Variants in ADAMTS18 observed in about 807,000 individuals in gnomAD.
ADAMTS18 encodes the protein ADAM metallopeptidase with thrombospondin type 1 motif 18, also known as A disintegrin and metalloproteinase with thrombospondin motifs 18.
ADAMTS18 carries 157 observed loss-of-function variants against 165.9 expected under a neutral mutation model. That is an observed-to-expected ratio of 0.95 (90% CI 0.83 to 1.08). The LOEUF is 1.08. Ranked by LOEUF, ADAMTS18 falls within the 50% of genes least tolerant of loss-of-function variation. ADAMTS18 has a pLI of 0.00. For missense variants in ADAMTS18, 2,040 were observed against 1,534.0 expected (o/e 1.33, Z -5.51); for synonymous variants, 782 against 578.2 (o/e 1.35, Z -5.06).
intron 3 of ADAMTS18, among the ~76,000 whole-genome samples, chr16:77,387,245 A>G (rs548328984): frequency 6.6e-6 from 1 of 152,306 alleles, no homozygotes; most frequent in South Asian, 2.1e-4. Flanking sequence ...TGTTACAAGT[A>G]CAGTGTGGCA....
In ADAMTS18 at chr16:77,284,126, T is replaced by TTC. The variant is rs1009793547; in HGVS notation, c.3551-56_3551-55insGA. The TTC allele has an allele frequency of 1.0e-5, 10 of 960,686 alleles. No homozygotes were observed. The African/African-American group carries it at 2.3e-4, about 22-fold the overall frequency. 59.5% of individuals were successfully genotyped at this position (960,686 alleles called of 1,614,324 possible). On this transcript the variant is annotated intron_variant, in intron 22 of 22. Coordinates refer to ENST00000282849, the MANE Select transcript of ADAMTS18 (RefSeq NM_199355.4). ...GGCTAGGGTGTCTATCCTTTTTCTT[T>TTC]TTTTTTTTTTTTGAGATGGAGTCTC...
intron 2 of ADAMTS18, chr16:77,432,275 C>G (rs996738480): frequency 6.6e-6 from 1 of 152,660 alleles, no homozygotes. Context: ...TAATTGTAAG[C>G]ATAAAATACA....
chr16:77,349,567 A>C (rs535659953), intron 10 of ADAMTS18, among the ~76,000 whole-genome samples: 1 of 150,048 alleles, frequency 6.7e-6, no homozygotes, highest in African/African-American at 2.5e-5. Context: ...ACTGAGCCAG[A>C]CAAAGTCATG....
chr16:77,412,100 T>G (rs761494471), intron 3 of ADAMTS18, among the ~76,000 whole-genome samples: 97 of 152,222 alleles, frequency 6.4e-4, no homozygotes, highest in Non-Finnish European at 1.1e-3. Flanking sequence ...CCAATGGGTC[T>G]CATTCATCCA....
chr16:77,299,476 C>T (rs1185741107), intron 17 of ADAMTS18, among the ~76,000 whole-genome samples: 1 of 152,124 alleles, frequency 6.6e-6, no homozygotes, highest in Non-Finnish European at 1.5e-5. Flanking sequence ...TGTATCTTTG[C>T]TCTGTCTCTG....
chr16:77,294,686 T>C lies in ADAMTS18; in HGVS notation c.3006+237A>G, dbSNP rs543173106. Among the ~76,000 whole-genome samples the C allele has an allele frequency of 2.6e-5, 4 of 152,322 alleles. No homozygotes were observed. The East Asian group carries it at 5.8e-4, about 22-fold the overall frequency. ...GCTGTGCTCACGAGTCTGGCCTAAA[T>C]GGCCCCCACACTCCAATTTCTGTTC... On this transcript the variant is annotated intron_variant, in intron 19 of 22. Coordinates refer to ENST00000282849, the MANE Select transcript of ADAMTS18 (RefSeq NM_199355.4).
intron 16 of ADAMTS18, among the ~76,000 whole-genome samples, chr16:77,312,729 C>G (rs1199315040): frequency 6.6e-6 from 1 of 152,136 alleles, no homozygotes; most frequent in African/African-American, 2.4e-5. Flanking sequence ...ACATGCAAAT[C>G]AAAACCACAA....
intron 10 of ADAMTS18, among the ~76,000 whole-genome samples, chr16:77,352,465 G>A (rs1010871292): frequency 2.0e-5 from 3 of 152,204 alleles, no homozygotes; most frequent in Non-Finnish European, 4.4e-5. Flanking sequence ...CTTTGGGCAA[G>A]TTGAAAATAT....
At position 77,364,293 on chromosome 16, in the gene ADAMTS18, T is replaced by C. The variant is rs1448131688; in HGVS notation, c.867A>G (p.Ser289=). ...GGGTTTCCACATTGAGGCCCTTTTG[T>C]GATTTTCCAGCTGATCTTCTGGGTC... is the stretch of plus-strand genomic sequence containing the variant. ...SGRPRRSAGK[S]QKGLNVETLV... is the part of the protein sequence containing the mutation. Residue 289 remains serine (S), a synonymous_variant, in exon 5 of 23, where the codon TCA becomes TCG. Transcript: ENST00000282849. 3.1e-6 allele frequency: 5 copies of C among 1,613,836 alleles called. No homozygotes were observed. Among genetic ancestry groups the C allele is most frequent in the Non-Finnish European group, 4.2e-6 (5 of 1,180,018 alleles).
chr16:77,405,632 T>C (rs958146503), intron 3 of ADAMTS18, among the ~76,000 whole-genome samples: 1 of 152,198 alleles, frequency 6.6e-6, no homozygotes, highest in African/African-American at 2.4e-5. Flanking sequence ...CAAAATACCA[T>C]ACACCATGTG....
At chr16:77,355,679 C>A (rs1419006717) in intron 9 of ADAMTS18, among the ~76,000 whole-genome samples, 1 of 152,086 alleles carries the variant, frequency 6.6e-6, no homozygotes, top group Non-Finnish European at 1.5e-5. Flanking sequence ...GACTTGATTT[C>A]TCAACTCTAG....
intron 20 of ADAMTS18, among the ~76,000 whole-genome samples, 157 bp from the exon 21 acceptor site, chr16:77,291,635 C>T (rs2055366872): frequency 6.6e-6 from 1 of 152,206 alleles, no homozygotes; most frequent in Non-Finnish European, 1.5e-5. Context: ...ACAGATACAG[C>T]AGCCAAGTAC....
Position 77,367,636 on chromosome 16 carries a change from C to T in ADAMTS18, c.583G>A (p.Ala195Thr), listed in dbSNP as rs2056817347. ...TACAGTACGTGAGGATGGTGACCCG[C>T]AGGGGAGCTGTAGTTGTGTTCCTGG... ...LAQEHNYSSPAGHHPHVLYKR... is the reference protein window; with the variant it reads ...LAQEHNYSSPTGHHPHVLYKR... The change falls in exon 4 of 23, where the codon GCG becomes ACG. Residue 195 changes from alanine to threonine, a missense_variant. By Grantham distance (58) the Ala-to-Thr change is moderately conservative (BLOSUM62 0). Coordinates refer to ENST00000282849, the MANE Select transcript of ADAMTS18 (RefSeq NM_199355.4). The T allele has an allele frequency of 5.0e-6, 8 of 1,614,048 alleles. No individual in the cohort carries two copies. Among genetic ancestry groups the T allele is most frequent in the Admixed American group, 1.7e-5 (1 of 59,998 alleles).
At chr16:77,294,080 G>C (rs1056217541) in intron 19 of ADAMTS18, among the ~76,000 whole-genome samples, 23 of 152,170 alleles carry the variant, frequency 1.5e-4, no homozygotes, top group Admixed American at 1.5e-3. Context: ...AAACACAGAA[G>C]AACTGTCATC....
chr16:77,360,661 C>T (rs971136535), intron 7 of ADAMTS18, among the ~76,000 whole-genome samples: 2 of 152,162 alleles, frequency 1.3e-5, no homozygotes, highest in African/African-American at 2.4e-5. Context: ...TCTTTCATTA[C>T]AAAAACCCTT....
intron 3 of ADAMTS18, among the ~76,000 whole-genome samples, chr16:77,390,796 C>G (rs1433014278): frequency 2.6e-5 from 4 of 152,122 alleles, no homozygotes; most frequent in African/African-American, 9.7e-5. Context: ...GTAGTCACTA[C>G]CCATATGTGG....
At chr16:77,387,716 T>G (rs1297373430) in intron 3 of ADAMTS18, among the ~76,000 whole-genome samples, 2 of 152,164 alleles carry the variant, frequency 1.3e-5, no homozygotes, top group Non-Finnish European at 2.9e-5. Context: ...CCAAAAAAAT[T>G]TTAAAAAGTT....
At chr16:77,434,177 C>T (rs1180577575) in intron 2 of ADAMTS18, among the ~76,000 whole-genome samples, 1 of 151,362 alleles carries the variant, frequency 6.6e-6, no homozygotes, top group Non-Finnish European at 1.5e-5. Flanking sequence ...TTCTTCTTAA[C>T]AAGCCACCTG....
chr16:77,344,153 G>GTC (rs1427575027), intron 10 of ADAMTS18, among the ~76,000 whole-genome samples: 1 of 126,468 alleles, frequency 7.9e-6, no homozygotes, highest in Admixed American at 7.7e-5. Context: ...GTATGTGTGT[G>GTC]TGTATATATA....
Sources: gnomAD v4.1 joint callset for allele counts (sites outside exome capture counted in the v4.1 genomes callset) on GRCh38, gnomAD v4.1.1 for gene constraint, MANE v1.5 for transcripts, NCBI Gene and HGNC (gene_info 2026-07-23, HGNC 2026-07-21) for gene names.